The following ALDH1L1 variants were observed in gnomAD, a reference collection of about 807,000 sequenced individuals.
ALDH1L1 encodes the protein aldehyde dehydrogenase 1 family member L1, also known as cytosolic 10-formyltetrahydrofolate dehydrogenase.
Under a neutral mutation model 101.1 loss-of-function variants are expected in ALDH1L1, and 68 were observed. That is an observed-to-expected ratio of 0.67 (90% CI 0.55 to 0.82). The LOEUF (loss-of-function observed/expected upper bound fraction) is 0.82. Among genes scored for constraint, ALDH1L1 ranks in the 40% least tolerant of loss-of-function variants. The probability of loss-of-function intolerance (pLI) is 0.00; values close to 1 mark genes in which losing one functional copy is unlikely to be tolerated. For missense variants in ALDH1L1, 1,087 were observed against 1,172.7 expected, an observed-to-expected ratio of 0.93 and a Z score of 1.07; for synonymous variants, 486 against 470.8, an observed-to-expected ratio of 1.03 and a Z score of -0.42.
intron 6 of ALDH1L1, 114 bp downstream of exon 6, chr3:126,154,440 G>C: frequency 9.1e-7 from 1 of 1,094,222 alleles, no homozygotes. Context: ...GTGGGAGTAG[G>C]GGCCAGGGCA....
intron 1 of ALDH1L1, among the ~76,000 whole-genome samples, chr3:126,196,150 T>C (rs1436219076): frequency 6.6e-6 from 1 of 152,142 alleles, no homozygotes; most frequent in Admixed American, 6.5e-5. Context: ...TTTCTATGTC[T>C]CTTAATTGGA....
intron 16 of ALDH1L1, among the ~76,000 whole-genome samples, chr3:126,123,313 A>G (rs1225814587): frequency 6.7e-6 from 1 of 149,926 alleles, no homozygotes; most frequent in African/African-American, 2.5e-5. Context: ...GCTGAAGTGC[A>G]GTGGCACAAT....
At chr3:126,180,787 CAAG>C (rs2081463007), upstream of ALDH1L1, 1 of 1,489,378 alleles carries the variant, frequency 6.7e-7, no homozygotes, top group Non-Finnish European at 8.9e-7. Flanking sequence ...CCGCTTAGGT[CAAG>C]AAGACTTACT....
intron 1 of ALDH1L1, 66 bp from the exon 2 acceptor site, chr3:126,161,068 A>G: frequency 1.9e-6 from 3 of 1,552,868 alleles, no homozygotes; most frequent in Non-Finnish European, 2.6e-6. Flanking sequence ...GCCCTGGTTC[A>G]AGACAGGGCA....
chr3:126,126,746 C>A (rs1289066238), intron 14 of ALDH1L1, among the ~76,000 whole-genome samples: 1 of 152,342 alleles, frequency 6.6e-6, no homozygotes, highest in South Asian at 2.1e-4. Flanking sequence ...TGCCCCCACT[C>A]CCCAATTCGT....
At chr3:126,164,748 G>A (rs1352241139) in intron 1 of ALDH1L1, among the ~76,000 whole-genome samples, 1 of 152,176 alleles carries the variant, frequency 6.6e-6, no homozygotes, top group African/African-American at 2.4e-5. Context: ...TAATGGGATT[G>A]CTGGGTTGGA....
intron 1 of ALDH1L1, among the ~76,000 whole-genome samples, chr3:126,177,620 CTGTAA>C (rs1559979183): frequency 6.6e-6 from 1 of 152,138 alleles, no homozygotes; most frequent in Admixed American, 6.5e-5. Flanking sequence ...CTCTATGATA[CTGTAA>C]CACTGGATAC....
At chr3:126,134,437 C>T (rs2080381290) in intron 12 of ALDH1L1, among the ~76,000 whole-genome samples, 3 of 152,212 alleles carry the variant, frequency 2.0e-5, no homozygotes, top group African/African-American at 7.2e-5. Context: ...ACCTGTCGTG[C>T]TTGTTTCACA....
intron 1 of ALDH1L1, among the ~76,000 whole-genome samples, chr3:126,165,623 ATTTCAATCT>A (rs2081151030): frequency 6.6e-6 from 1 of 152,126 alleles, no homozygotes; most frequent in Non-Finnish European, 1.5e-5. Flanking sequence ...TCTATTCAGC[ATTTCAATCT>A]TTTCCTACTT....
At chr3:126,118,178 G>T in intron 16 of ALDH1L1, 80 bp from the exon 17 acceptor site, 1 of 1,132,382 alleles carries the variant, frequency 8.8e-7, no homozygotes. Context: ...GGACTGCACA[G>T]GTTCACTGGG....
At chr3:126,147,512 C>T (rs1339974624) in intron 8 of ALDH1L1, among the ~76,000 whole-genome samples, 6 of 152,220 alleles carry the variant, frequency 3.9e-5, no homozygotes, top group Admixed American at 1.3e-4. Flanking sequence ...GCCCAGCCAG[C>T]TGGCCCTGTG....
rs144548212 is a variant in ALDH1L1 at position 126,134,466 on chromosome 3, G to C, written c.1472+1069C>G. ...TTTCACAGCTCTTCCTGACCTCCAG[G>C]AACTCTAGGGACCACTTGGCGTGGC... On this transcript the variant is annotated intron_variant, in intron 12 of 22. Coordinates refer to ENST00000393434, the MANE Select transcript of ALDH1L1 (RefSeq NM_012190.4). Among the ~76,000 whole-genome samples the C allele has an allele frequency of 8.1e-3, 1,241 of 152,314 alleles. 20 individuals carry two copies. The highest frequency in any genetic ancestry group is 0.028 in the African/African-American group (1,182 of 41,566).
At chr3:126,148,425 G>A (rs1322017643) in intron 8 of ALDH1L1, among the ~76,000 whole-genome samples, 2 of 152,196 alleles carry the variant, frequency 1.3e-5, no homozygotes, top group African/African-American at 4.8e-5. Context: ...ACAGCCACAG[G>A]CCAGGCCCCT....
chr3:126,135,880 C>T (rs2080430052), intron 11 of ALDH1L1, among the ~76,000 whole-genome samples: 1 of 152,188 alleles, frequency 6.6e-6, no homozygotes, highest in African/African-American at 2.4e-5. Flanking sequence ...TGTCTACACC[C>T]CAAGGTCCCC....
intron 18 of ALDH1L1, 69 bp from the exon 19 acceptor site, chr3:126,112,949 G>C (rs1446816384): frequency 7.0e-7 from 1 of 1,422,012 alleles, no homozygotes; most frequent in Non-Finnish European, 9.8e-7. Context: ...CTCTGCCAGG[G>C]CCCAGCCGCC....
intron 1 of ALDH1L1, among the ~76,000 whole-genome samples, chr3:126,196,459 G>C (rs1184121587): frequency 4.0e-5 from 6 of 149,812 alleles, no homozygotes; most frequent in African/African-American, 1.5e-4. Flanking sequence ...GTTAGAGCTT[G>C]AATATCTGCT....
At chr3:126,196,159 G>T (rs1269178421) in intron 1 of ALDH1L1, among the ~76,000 whole-genome samples, 2 of 152,100 alleles carry the variant, frequency 1.3e-5, no homozygotes, top group Non-Finnish European at 1.5e-5. Flanking sequence ...CTCTTAATTG[G>T]ATTACTGGGT....
chr3:126,142,962 T>C (rs564933205), intron 9 of ALDH1L1, among the ~76,000 whole-genome samples: 5 of 152,202 alleles, frequency 3.3e-5, no homozygotes, highest in Non-Finnish European at 7.3e-5. Context: ...CAAAAACCCA[T>C]TATAAATTGA....
Position 126,125,669 on chromosome 3 carries a change from T to C in ALDH1L1, c.1747A>G (p.Lys583Glu), listed in dbSNP as rs1489302564. 1.3e-6 allele frequency: 2 copies of C among 1,599,660 alleles called. No individual in the cohort carries two copies. Among genetic ancestry groups the C allele is most frequent in the Non-Finnish European group, 8.5e-7 (1 of 1,172,246 alleles). The stretch of plus-strand genomic sequence containing the variant: ...CCGGCAGCCAGGCAGGCAGCTGTCT[T>C]CCAGGACAGCATCATCAGGGGATAG... ...WNYPLMMLSWKTAACLAAGNT... is the reference protein window; with the variant it reads ...WNYPLMMLSWETAACLAAGNT... Residue 583 changes from lysine to glutamate, a missense_variant, in exon 15 of 23, where the codon AAG (lysine) becomes GAG (glutamate). Coordinates refer to ENST00000393434, the MANE Select transcript of ALDH1L1 (RefSeq NM_012190.4).
Sources: gnomAD v4.1 joint callset for allele counts (sites outside exome capture counted in the v4.1 genomes callset) on GRCh38, gnomAD v4.1.1 for gene constraint, MANE v1.5 for transcripts, NCBI Gene and HGNC (gene_info 2026-07-23, HGNC 2026-07-21) for gene names.